The following PALM2AKAP2 variants were observed in gnomAD, a reference collection of about 807,000 sequenced individuals.
PALM2AKAP2 encodes PALM2-AKAP2 fusion protein.
Under a neutral mutation model 71.5 loss-of-function variants are expected in PALM2AKAP2, and 37 were observed. That is an observed-to-expected ratio of 0.52 (90% CI 0.40 to 0.68). The LOEUF (loss-of-function observed/expected upper bound fraction) is 0.68, where lower values mean the gene tolerates loss of function less well. PALM2AKAP2 is among the 30% of genes least tolerant of loss of function. The pLI is 0.00. For missense variants in PALM2AKAP2, 1,224 were observed against 1,191.8 expected, an observed-to-expected ratio of 1.03 and a Z score of -0.40; for synonymous variants, 468 against 478.8, an observed-to-expected ratio of 0.98 and a Z score of 0.29.
intron 1 of PALM2AKAP2, among the ~76,000 whole-genome samples, chr9:110,132,429 C>T (rs1425352078): frequency 6.6e-6 from 1 of 151,492 alleles, no homozygotes; most frequent in Non-Finnish European, 1.5e-5. Context: ...AACTTCTGCT[C>T]TCCGGGTTCA....
chr9:109,914,817 C>T (rs945163154), intron 3 of PALM2AKAP2, among the ~76,000 whole-genome samples: 1 of 152,190 alleles, frequency 6.6e-6, no homozygotes, highest in Non-Finnish European at 1.5e-5. Context: ...CTCAGCCCAT[C>T]GTCAGGAATA....
chr9:109,735,183 G>C (rs538671151), intron 1 of PALM2AKAP2, among the ~76,000 whole-genome samples: 1 of 148,488 alleles, frequency 6.7e-6, no homozygotes, highest in Non-Finnish European at 1.5e-5. Context: ...TCAGGGCCTG[G>C]CTACTGCCTT....
At chr9:110,011,014 A>AAAAAAAAAATATATATATAT (rs35212981) in intron 6 of PALM2AKAP2, among the ~76,000 whole-genome samples, 4 of 69,590 alleles carry the variant, frequency 5.7e-5, no homozygotes, top group African/African-American at 3.1e-4. Context: ...AAAAAAAAAA[A>AAAAAAAAAATATATATATAT]ATATATATAT....
chr9:109,675,948 C>T (rs889137910), intron 1 of PALM2AKAP2, among the ~76,000 whole-genome samples: 15 of 152,138 alleles, frequency 9.9e-5, no homozygotes, highest in African/African-American at 3.6e-4. Flanking sequence ...ATCCTAAGAG[C>T]TCTTAAAGAA....
At chr9:109,749,575 G>T (rs551344781) in intron 1 of PALM2AKAP2, among the ~76,000 whole-genome samples, 1 of 146,718 alleles carries the variant, frequency 6.8e-6, no homozygotes, top group South Asian at 2.1e-4. Flanking sequence ...AGCCCAAAAA[G>T]TATTTTCTGG....
At chr9:109,925,851 C>T (rs1430741910) in intron 5 of PALM2AKAP2, among the ~76,000 whole-genome samples, 2 of 152,216 alleles carry the variant, frequency 1.3e-5, no homozygotes, top group Non-Finnish European at 2.9e-5. Context: ...GCTAGACCTG[C>T]TTTACAATGC....
exon 4 of PALM2AKAP2, chr9:110,170,575 G>A (rs1836837708): frequency 6.6e-6 from 1 of 152,166 alleles, no homozygotes; most frequent in South Asian, 2.1e-4. Context: ...TAGCACATGG[G>A]CAATTGGCAC....
At chr9:110,039,414 A>T (rs927668146) in intron 7 of PALM2AKAP2, among the ~76,000 whole-genome samples, 3 of 152,184 alleles carry the variant, frequency 2.0e-5, no homozygotes, top group Non-Finnish European at 4.4e-5. Flanking sequence ...TTTGGGAAGG[A>T]TAAAATTGCT....
intron 1 of PALM2AKAP2, among the ~76,000 whole-genome samples, chr9:110,064,795 G>A (rs1834040125): frequency 6.6e-6 from 1 of 152,142 alleles, no homozygotes; most frequent in Non-Finnish European, 1.5e-5. Context: ...ATTATTTTTG[G>A]GACCTCGGTG....
chr9:109,785,679 C>A (rs1826943166), intron 1 of PALM2AKAP2, among the ~76,000 whole-genome samples: 1 of 152,188 alleles, frequency 6.6e-6, no homozygotes, highest in Non-Finnish European at 1.5e-5. Context: ...GAGACTGATT[C>A]ACTATCACAA....
At chr9:109,860,221 T>C (rs1042835163) in intron 1 of PALM2AKAP2, among the ~76,000 whole-genome samples, 1 of 152,218 alleles carries the variant, frequency 6.6e-6, no homozygotes, top group African/African-American at 2.4e-5. Context: ...GCTTGATTAC[T>C]CAGGTTTTCA....
chr9:110,152,300 G>A (rs1454792262), intron 2 of PALM2AKAP2, among the ~76,000 whole-genome samples: 1 of 152,158 alleles, frequency 6.6e-6, no homozygotes, highest in Non-Finnish European at 1.5e-5. Flanking sequence ...ATGGCAGGAT[G>A]TTCTCATTGA....
At chr9:110,108,404 C>T (rs530712742) in intron 1 of PALM2AKAP2, among the ~76,000 whole-genome samples, 5 of 152,062 alleles carry the variant, frequency 3.3e-5, no homozygotes, top group Non-Finnish European at 5.9e-5. Context: ...TGAGCCACCC[C>T]GCCTGGCTGC....
intron 1 of PALM2AKAP2, among the ~76,000 whole-genome samples, chr9:109,829,296 C>T (rs1399625547): frequency 6.6e-6 from 1 of 152,180 alleles, no homozygotes; most frequent in Non-Finnish European, 1.5e-5. Flanking sequence ...ACAATTCATC[C>T]TTTGCATTCC....
intron 6 of PALM2AKAP2, among the ~76,000 whole-genome samples, chr9:109,972,815 C>G (rs1369556076): frequency 6.6e-6 from 1 of 152,196 alleles, no homozygotes; most frequent in East Asian, 1.9e-4. Context: ...CCTATATCTC[C>G]TGCACAATTG....
upstream of PALM2AKAP2, among the ~76,000 whole-genome samples, chr9:110,047,923 C>G (rs1225635523): frequency 6.6e-6 from 1 of 152,194 alleles, no homozygotes; most frequent in Non-Finnish European, 1.5e-5. Context: ...TGGCTGGCCA[C>G]CCGCCTAATA....
At chr9:109,937,300 G>A (rs1022155780) in intron 6 of PALM2AKAP2, among the ~76,000 whole-genome samples, 11 of 152,152 alleles carry the variant, frequency 7.2e-5, no homozygotes, top group Non-Finnish European at 1.3e-4. Flanking sequence ...ACACCTGGGT[G>A]TTTTCAGAAC....
intron 1 of PALM2AKAP2, among the ~76,000 whole-genome samples, chr9:109,804,931 G>A (rs1827532300): frequency 6.6e-6 from 1 of 151,928 alleles, no homozygotes; most frequent in South Asian, 2.1e-4. Context: ...AATTTTTTTG[G>A]CAAAGATTTT....
intron 1 of PALM2AKAP2, among the ~76,000 whole-genome samples, chr9:109,729,342 C>T (rs993551850): frequency 1.3e-5 from 2 of 152,162 alleles, no homozygotes; most frequent in Non-Finnish European, 2.9e-5. Flanking sequence ...TTTAAAACCG[C>T]TGATTAATTC....
Sources: allele counts gnomAD v4.1 joint callset (sites outside exome capture counted in the v4.1 genomes callset), GRCh38; gene constraint gnomAD v4.1.1; transcripts MANE v1.5; gene names NCBI Gene and HGNC (gene_info 2026-07-23, HGNC 2026-07-21).